The following OTC variants were observed in gnomAD, a reference collection of about 807,000 sequenced individuals.
OTC encodes ornithine transcarbamylase, mitochondrial.
Under a neutral mutation model 30.3 loss-of-function variants are expected in OTC, and 3 were observed. The observed-to-expected ratio is 0.10, with a 90% CI of 0.05 to 0.26. OTC has a LOEUF of 0.26. Ranked by LOEUF, OTC falls within the 10% of genes least tolerant of loss-of-function variation. OTC has a pLI of 1.00. For synonymous variants in OTC, 111 were observed against 99.7 expected, an observed-to-expected ratio of 1.11 and a Z score of -0.67; for missense variants, 194 against 260.3, an observed-to-expected ratio of 0.75 and a Z score of 1.75.
chrX:38,344,976 G>A, the OTC span, among the ~76,000 whole-genome samples: 1 of 110,948 alleles, frequency 9.0e-6, no homozygotes, highest in Non-Finnish European at 1.9e-5. Context: ...GGGAGTCTAA[G>A]GCTGGAGGAC....
At chrX:38,378,810 A>G (rs765624929) in intron 3 of OTC, among the ~76,000 whole-genome samples, 6 of 112,118 alleles carry the variant, frequency 5.4e-5, no homozygotes, top group Non-Finnish European at 3.8e-5. Flanking sequence ...TATTACTCAC[A>G]TCATGTGGCT....
intron 3 of OTC, among the ~76,000 whole-genome samples, chrX:38,377,330 C>T (rs2068353335): frequency 9.0e-6 from 1 of 110,997 alleles, no homozygotes; most frequent in Non-Finnish European, 1.9e-5. Context: ...CTAAGAGGGA[C>T]ATGTACATCA....
chrX:38,357,742 T>C (rs1447116901), intron 1 of OTC, among the ~76,000 whole-genome samples: 1 of 112,568 alleles, frequency 8.9e-6, no homozygotes, highest in Non-Finnish European at 1.9e-5. Context: ...AGGAAGATAT[T>C]TGGGTAAAGT....
At chrX:38,364,935 C>G (rs2068288306) in intron 1 of OTC, among the ~76,000 whole-genome samples, 1 of 112,460 alleles carries the variant, frequency 8.9e-6, no homozygotes, top group African/African-American at 3.2e-5. Context: ...TATTCACCCA[C>G]TGAACATTAA....
At chrX:38,370,807 T>G (rs1275111256) in intron 3 of OTC, among the ~76,000 whole-genome samples, 1 of 111,263 alleles carries the variant, frequency 9.0e-6, no homozygotes, top group Non-Finnish European at 1.9e-5. Flanking sequence ...GAGCCTAATA[T>G]TTCACGGTTT....
At chrX:38,389,863 T>C (rs1269043862) in intron 4 of OTC, among the ~76,000 whole-genome samples, 1 of 111,383 alleles carries the variant, frequency 9.0e-6, no homozygotes, top group Non-Finnish European at 1.9e-5. Flanking sequence ...ATGCATTATA[T>C]GAGGGTAAAT....
At chrX:38,388,643 C>T (rs1037854624) in intron 4 of OTC, among the ~76,000 whole-genome samples, 24 of 111,647 alleles carry the variant, frequency 2.1e-4, no homozygotes, top group African/African-American at 7.2e-4. Flanking sequence ...GCTCAGCGTA[C>T]TACTGAAAAG....
chrX:38,410,571 T>C (rs2068537923), intron 8 of OTC, among the ~76,000 whole-genome samples: 1 of 112,378 alleles, frequency 8.9e-6, no homozygotes, highest in African/African-American at 3.2e-5. Flanking sequence ...TTTCTATAAA[T>C]TGCTATTACA....
chrX:38,372,501 G>T (rs1197600133), intron 3 of OTC, among the ~76,000 whole-genome samples: 3 of 112,385 alleles, frequency 2.7e-5, no homozygotes, highest in Non-Finnish European at 3.8e-5. Context: ...GTTTCTACTG[G>T]TGGCATTAAG....
intron 6 of OTC, 29 bp downstream of exon 6, chrX:38,403,769 C>T: frequency 8.3e-7 from 1 of 1,200,683 alleles, no homozygotes; most frequent in Non-Finnish European, 1.1e-6. Context: ...TTGAAACTAA[C>T]CCCTCTCTTA....
intron 3 of OTC, among the ~76,000 whole-genome samples, chrX:38,375,485 G>A (rs190442721): frequency 9.0e-6 from 1 of 111,619 alleles, no homozygotes; most frequent in Non-Finnish European, 1.9e-5. Flanking sequence ...TAGAAGCTGG[G>A]GTTGTGGTGG....
At position 38,369,875 on chromosome X, in the gene OTC, C is replaced by T. The variant is rs746363937; in HGVS notation, c.296C>T (p.Thr99Ile). ...ACTCGAACAAGATTGTCTACAGAAACAGGTAAGTCCACTGCCAAATTCACA... is the reference window on the plus strand; with the variant it reads ...ACTCGAACAAGATTGTCTACAGAAATAGGTAAGTCCACTGCCAAATTCACA... ...RSTRTRLSTE[T>I]GFALLGGHPC... Residue 99 changes from threonine to isoleucine, a missense_variant and splice_region_variant, in exon 3 of 10, where the codon ACA becomes ATA. By Grantham distance (89) the Thr-to-Ile change is moderately conservative. Coordinates refer to ENST00000039007, the MANE Select transcript of OTC (RefSeq NM_000531.6). 1 of 1,166,920 alleles carries T rather than the reference C, an allele frequency of 8.6e-7. No individual in the cohort carries two copies. The highest frequency in any genetic ancestry group is 1.2e-6 in the Non-Finnish European group (1 of 855,044).
At chrX:38,399,160 G>T (rs902605228) in intron 4 of OTC, among the ~76,000 whole-genome samples, 1 of 110,950 alleles carries the variant, frequency 9.0e-6, no homozygotes, top group African/African-American at 3.3e-5. Flanking sequence ...TCTTTCTTAG[G>T]AGTCTCAAAC....
At chrX:38,327,887 G>A in the OTC span, among the ~76,000 whole-genome samples, 1 of 113,062 alleles carries the variant, frequency 8.8e-6, no homozygotes, top group Non-Finnish European at 1.9e-5. Context: ...TAAGCACTCT[G>A]CTAAAGATAT....
intron 1 of OTC, among the ~76,000 whole-genome samples, chrX:38,360,757 C>CA (rs1466073134): frequency 1.8e-5 from 2 of 112,431 alleles, no homozygotes; most frequent in Non-Finnish European, 3.8e-5. Flanking sequence ...TTTCAGTCAA[C>CA]ATGGCATATT....
At chrX:38,341,610 C>T in the OTC span, among the ~76,000 whole-genome samples, 3 of 112,194 alleles carry the variant, frequency 2.7e-5, no homozygotes, top group Non-Finnish European at 5.6e-5. Context: ...TTTTATTATG[C>T]ATCTTCATTA....
intron 1 of OTC, among the ~76,000 whole-genome samples, chrX:38,357,171 C>G (rs1320987989): frequency 8.9e-6 from 1 of 111,774 alleles, no homozygotes; most frequent in African/African-American, 3.3e-5. Flanking sequence ...CTCGAGATGG[C>G]AAATAACCTT....
At chrX:38,354,039 A>G (rs1247065926) in intron 1 of OTC, among the ~76,000 whole-genome samples, 1 of 112,027 alleles carries the variant, frequency 8.9e-6, no homozygotes, top group African/African-American at 3.2e-5. Context: ...TGAACAAGTC[A>G]CTAAACTTTT....
At chrX:38,357,570 AT>A (rs760351347) in intron 1 of OTC, among the ~76,000 whole-genome samples, 2 of 112,290 alleles carry the variant, frequency 1.8e-5, no homozygotes, top group South Asian at 7.3e-4. Context: ...GACTGACCAC[AT>A]TTTACTCAAA....
Sources: gnomAD v4.1 joint callset for allele counts (sites outside exome capture counted in the v4.1 genomes callset) on GRCh38, gnomAD v4.1.1 for gene constraint, MANE v1.5 for transcripts, NCBI Gene and HGNC (gene_info 2026-07-23, HGNC 2026-07-21) for gene names.